KCNJ6: variants seen among roughly 807,000 people sequenced by gnomAD.
The protein encoded by KCNJ6 is G protein-activated inward rectifier potassium channel 2.
In KCNJ6, 9 loss-of-function variants were observed where a neutral mutation model predicts 34.2. That is an observed-to-expected ratio of 0.26 (90% CI 0.16 to 0.46). KCNJ6 has a LOEUF of 0.46. Ranked by LOEUF, KCNJ6 falls within the 20% of genes least tolerant of loss-of-function variation. The pLI, the probability that KCNJ6 is intolerant of heterozygous loss-of-function variation, is 1.00. For missense variants in KCNJ6, 236 were observed against 531.3 expected (o/e 0.44, Z 5.46); for synonymous variants, 196 against 207.1 (o/e 0.95, Z 0.46).
chr21:37,758,690 T>C (rs1346130879), intron 2 of KCNJ6, among the ~76,000 whole-genome samples: 1 of 152,176 alleles, frequency 6.6e-6, no homozygotes, highest in African/African-American at 2.4e-5. Context: ...CAGGCTGCAG[T>C]GCAGTGGTGC....
At chr21:37,808,802 G>C (rs2055306449) in intron 2 of KCNJ6, among the ~76,000 whole-genome samples, 2 of 152,220 alleles carry the variant, frequency 1.3e-5, no homozygotes, top group Non-Finnish European at 2.9e-5. Context: ...TCTTGGGCTA[G>C]CTCTCCCAGA....
chr21:37,887,954 G>A (rs2055743732), intron 1 of KCNJ6, among the ~76,000 whole-genome samples: 1 of 152,270 alleles, frequency 6.6e-6, no homozygotes, highest in African/African-American at 2.4e-5. Flanking sequence ...CTGAAGCTGT[G>A]TGGGCCTGAG....
At chr21:37,910,897 T>G (rs949808106) in intron 1 of KCNJ6, among the ~76,000 whole-genome samples, 56 of 152,226 alleles carry the variant, frequency 3.7e-4, no homozygotes, top group African/African-American at 1.4e-3. Flanking sequence ...ATTTGAACAT[T>G]GCACACTGCA....
At chr21:37,747,239 C>G (rs1329812211) in intron 2 of KCNJ6, among the ~76,000 whole-genome samples, 1 of 148,842 alleles carries the variant, frequency 6.7e-6, no homozygotes, top group African/African-American at 2.4e-5. Flanking sequence ...TTCTTTGCCC[C>G]CTTTGGAGAG....
intron 3 of KCNJ6, among the ~76,000 whole-genome samples, chr21:37,649,784 G>A (rs564392939): frequency 1.1e-3 from 169 of 152,154 alleles, no homozygotes; most frequent in Middle Eastern, 3.4e-3. Context: ...GGTCTGTCTC[G>A]CTCTGTCGCC....
At chr21:37,715,213 G>T in intron 2 of KCNJ6, 82 bp from the exon 3 acceptor site, 1 of 1,222,622 alleles carries the variant, frequency 8.2e-7, no homozygotes, top group East Asian at 2.5e-5. Context: ...CTTTGTATGG[G>T]CTGGTGAAAC....
intron 2 of KCNJ6, among the ~76,000 whole-genome samples, chr21:37,795,347 G>T (rs1435172014): frequency 6.6e-6 from 1 of 152,150 alleles, no homozygotes; most frequent in Non-Finnish European, 1.5e-5. Context: ...GGAGGTGCTG[G>T]GGTGAGGAAA....
At chr21:37,850,899 G>T (rs1054519615) in intron 1 of KCNJ6, among the ~76,000 whole-genome samples, 3 of 152,174 alleles carry the variant, frequency 2.0e-5, no homozygotes, top group African/African-American at 7.2e-5. Context: ...TATGCATGCT[G>T]CTGTGGGACT....
chr21:37,886,512 C>T (rs1215648466), intron 1 of KCNJ6, among the ~76,000 whole-genome samples: 2 of 152,124 alleles, frequency 1.3e-5, no homozygotes, highest in African/African-American at 4.8e-5. Flanking sequence ...GCTAACCTGT[C>T]CCAATTTCAA....
At chr21:37,904,524 C>A (rs1222989852) in intron 1 of KCNJ6, among the ~76,000 whole-genome samples, 1 of 152,038 alleles carries the variant, frequency 6.6e-6, no homozygotes, top group Non-Finnish European at 1.5e-5. Context: ...TCTATACTGA[C>A]CCACACTTAT....
chr21:37,708,576 A>G (rs1249091846), intron 3 of KCNJ6, among the ~76,000 whole-genome samples: 2 of 147,404 alleles, frequency 1.4e-5, no homozygotes, highest in African/African-American at 5.1e-5. Flanking sequence ...CATATTCCAT[A>G]TGTCTTTAAA....
intron 2 of KCNJ6, among the ~76,000 whole-genome samples, chr21:37,776,927 C>T (rs2055145415): frequency 2.6e-5 from 4 of 152,134 alleles, no homozygotes; most frequent in Admixed American, 2.0e-4. Flanking sequence ...GGAATGGTAC[C>T]AGCTCCTCCT....
At chr21:37,636,445 TC>T (rs2054358531) in intron 3 of KCNJ6, among the ~76,000 whole-genome samples, 2 of 152,224 alleles carry the variant, frequency 1.3e-5, no homozygotes, top group African/African-American at 4.8e-5. Flanking sequence ...ATTATTTCAT[TC>T]CGCAGTTTCT....
intron 1 of KCNJ6, among the ~76,000 whole-genome samples, chr21:37,913,928 G>A (rs1166373004): frequency 6.6e-6 from 1 of 152,112 alleles, no homozygotes; most frequent in Admixed American, 6.5e-5. Flanking sequence ...AGAGAAGAGC[G>A]TGAGAGGGCA....
At chr21:37,894,506 T>C (rs2123638419) in intron 1 of KCNJ6, among the ~76,000 whole-genome samples, 1 of 151,938 alleles carries the variant, frequency 6.6e-6, no homozygotes, top group Non-Finnish European at 1.5e-5. Context: ...CTACTAAAAA[T>C]ACAAAAAAAT....
At chr21:37,838,070 T>C (rs1206299944) in intron 2 of KCNJ6, among the ~76,000 whole-genome samples, 1 of 152,234 alleles carries the variant, frequency 6.6e-6, no homozygotes, top group African/African-American at 2.4e-5. Context: ...CCTTATGCAT[T>C]GAGAAACATT....
intron 2 of KCNJ6, among the ~76,000 whole-genome samples, chr21:37,806,494 C>T (rs181004307): frequency 7.2e-5 from 11 of 152,250 alleles, no homozygotes; most frequent in Admixed American, 6.5e-4. Context: ...GCCAGAATTC[C>T]CCCCTCCCCG....
Position 37,617,063 on chromosome 21 carries a change from T to TTTC in KCNJ6, c.*8095_*8096insGAA, listed in dbSNP as rs1569430099. 6.1e-4 allele frequency: 51 copies of TTTC among 83,846 alleles called. No individual in the cohort carries two copies. Among genetic ancestry groups the TTTC allele is most frequent in the South Asian group, 3.9e-3 (8 of 2,028 alleles). The allele number at this position is 83,846 out of a possible 1,614,324, so 5.2% of individuals were successfully genotyped here. ...TTCTTTCTTTCTTTCTTTTCTTTTC[T>TTTC]TTTCTTTTCTTTTCTTTCTTTTTCT... On this transcript the variant is annotated 3_prime_UTR_variant, in exon 4 of 4. Transcript: ENST00000609713.
At chr21:37,844,043 C>T (rs2055493787) in intron 1 of KCNJ6, among the ~76,000 whole-genome samples, 1 of 150,442 alleles carries the variant, frequency 6.6e-6, no homozygotes, top group Non-Finnish European at 1.5e-5. Context: ...CTTCTTCCTT[C>T]CTCACCCCCT....
Sources: gnomAD v4.1 joint callset for allele counts (sites outside exome capture counted in the v4.1 genomes callset) on GRCh38, gnomAD v4.1.1 for gene constraint, MANE v1.5 for transcripts, NCBI Gene and HGNC (gene_info 2026-07-23, HGNC 2026-07-21) for gene names.